Variants in UGP2 observed in about 807,000 individuals in gnomAD.
UGP2 encodes UTP--glucose-1-phosphate uridylyltransferase.
In UGP2, 40 loss-of-function variants were observed where a neutral mutation model predicts 49.0. The ratio of observed to expected loss-of-function variants is 0.82; its 90% CI spans 0.63 to 1.06. The LOEUF (loss-of-function observed/expected upper bound fraction) is 1.06, where lower values mean the gene tolerates loss of function less well. Among genes scored for constraint, UGP2 ranks in the 50% least tolerant of loss-of-function variants. UGP2 has a pLI of 0.00. For synonymous variants in UGP2, 225 were observed against 213.0 expected (o/e 1.06, Z -0.49); for missense variants, 460 against 603.5 (o/e 0.76, Z 2.49).
At chr2:63,861,340 A>G (rs1669827679) in intron 3 of UGP2, among the ~76,000 whole-genome samples, 1 of 152,002 alleles carries the variant, frequency 6.6e-6, no homozygotes, top group Non-Finnish European at 1.5e-5. Context: ...AGTTACGAGG[A>G]AGTACGGGGC....
intron 8 of UGP2, chr2:63,888,325 T>C (rs1280054093): frequency 6.6e-6 from 1 of 152,242 alleles, no homozygotes; most frequent in African/African-American, 2.4e-5. Context: ...ACTGCCACAG[T>C]AAGCAGAACA....
chr2:63,876,377 G>A (rs959774224), intron 3 of UGP2, among the ~76,000 whole-genome samples: 2 of 152,140 alleles, frequency 1.3e-5, no homozygotes, highest in African/African-American at 2.4e-5. Context: ...GAGGGGTGGT[G>A]GTGGTAGGGG....
At position 63,882,447 on chromosome 2, in the gene UGP2, A is replaced by T. The variant is rs1452267118; in HGVS notation, c.256-19A>T. 6.4e-7 allele frequency: 1 copy of T among 1,551,314 alleles called. No homozygotes were observed. The highest frequency in any genetic ancestry group is 1.8e-5 in the Admixed American group (1 of 56,988). On this transcript the variant is annotated intron_variant, in intron 3 of 9. Coordinates refer to ENST00000337130, the MANE Select transcript of UGP2 (RefSeq NM_006759.4). ...TTAAAGCTGTTTAAATTACTCCTAT[A>T]ATGTTATTTTTCTTTCAGATTCAAC...
chr2:63,842,151 A>C lies in UGP2; in HGVS notation c.-35A>C, dbSNP rs1415638504. ...GTAGCGTGACTCCTCTAGAAAAAAAAAAAAAAAGCCGGAGTATTTTACTAA... is the reference window on the plus strand; with the variant it reads ...GTAGCGTGACTCCTCTAGAAAAAAACAAAAAAAGCCGGAGTATTTTACTAA... On this transcript the variant is annotated 5_prime_UTR_variant, in exon 1 of 10. Transcript: ENST00000337130. 6.3e-7 allele frequency: 1 copy of C among 1,577,646 alleles called. No homozygotes were observed. The highest frequency in any genetic ancestry group is 2.0e-5 in the Admixed American group (1 of 49,330).
At chr2:63,884,670 G>C (rs978906792) in intron 5 of UGP2, among the ~76,000 whole-genome samples, 11 of 152,132 alleles carry the variant, frequency 7.2e-5, no homozygotes, top group Non-Finnish European at 1.2e-4. Context: ...CCAACACTTT[G>C]GAAAGCCAAG....
At chr2:63,860,517 C>G (rs183047588) in intron 3 of UGP2, among the ~76,000 whole-genome samples, 2 of 152,282 alleles carry the variant, frequency 1.3e-5, no homozygotes, top group Non-Finnish European at 2.9e-5. Context: ...TGGTAGCTTT[C>G]TTTATTTCTT....
chr2:63,848,424 T>C (rs6546033), intron 1 of UGP2, among the ~76,000 whole-genome samples: 126,167 of 152,118 alleles, frequency 0.83, 52,469 homozygotes, highest in East Asian at 0.92. Flanking sequence ...AATGCAGTGG[T>C]GCGATCTTGG....
intron 3 of UGP2, among the ~76,000 whole-genome samples, chr2:63,858,557 G>T (rs980882767): frequency 6.6e-6 from 1 of 151,218 alleles, no homozygotes; most frequent in Non-Finnish European, 1.5e-5. Flanking sequence ...AAAATCTCAC[G>T]TAATGTTCTC....
intron 1 of UGP2, 99 bp from the exon 2 acceptor site, chr2:63,856,207 C>A (rs1035793703): frequency 6.1e-6 from 9 of 1,467,790 alleles, no homozygotes; most frequent in Non-Finnish European, 8.2e-6. Flanking sequence ...GGATTGAGCC[C>A]TTTTCATTTG....
rs75250311 is a variant in UGP2, at chr2:63,863,915, A to C, written c.255+5979A>C. 2.4e-3 allele frequency among the ~76,000 whole-genome samples: 359 copies of C among 152,380 alleles called. 1 individual carries two copies. The highest frequency in any genetic ancestry group is 8.3e-3 in the African/African-American group (344 of 41,598). ...CCATTAAATACAGATTTCTATTTATAGATGGGCTTATTTAAGACAAGTGTC... is the reference window on the plus strand; with the variant it reads ...CCATTAAATACAGATTTCTATTTATCGATGGGCTTATTTAAGACAAGTGTC... On this transcript the variant is annotated intron_variant, in intron 3 of 9. Coordinates refer to ENST00000337130, the MANE Select transcript of UGP2 (RefSeq NM_006759.4).
chr2:63,890,004 A>G, intron 8 of UGP2, 77 bp from the exon 9 acceptor site: 2 of 1,156,186 alleles, frequency 1.7e-6, no homozygotes, highest in Non-Finnish European at 1.3e-6. Context: ...GTTCAGTTAA[A>G]CTTTCTTGTT....
At chr2:63,848,766 G>C (rs375508828) in intron 1 of UGP2, among the ~76,000 whole-genome samples, 2 of 152,290 alleles carry the variant, frequency 1.3e-5, no homozygotes, top group South Asian at 4.1e-4. Flanking sequence ...ATTAAACTTT[G>C]TGTGTTTTTT....
At chr2:63,861,372 C>T (rs1299301502) in intron 3 of UGP2, among the ~76,000 whole-genome samples, 2 of 152,018 alleles carry the variant, frequency 1.3e-5, no homozygotes, top group African/African-American at 2.4e-5. Flanking sequence ...GGTATTGGAG[C>T]TGACGAGTTC....
At chr2:63,861,844 T>C (rs1462005930) in intron 3 of UGP2, among the ~76,000 whole-genome samples, 1 of 152,118 alleles carries the variant, frequency 6.6e-6, no homozygotes, top group Non-Finnish European at 1.5e-5. Flanking sequence ...GGTATTTAGC[T>C]CCAATGGATT....
rs748447815 is a variant in UGP2 at position 63,887,509 on chromosome 2, G to T, written c.1179G>T (p.Leu393=). The T allele has an allele frequency of 6.2e-7, 1 of 1,613,884 alleles. No individual in the cohort carries two copies. The highest frequency in any genetic ancestry group is 1.3e-5 in the African/African-American group (1 of 74,866). ...LGINVPRSRF[L]PVKTTSDLLL... Reference sequence around the variant, plus strand: ...TTAATGTGCCAAGGAGCCGTTTTCTGCCTGTCAAAACCACATCAGATCTCT... The same window carrying T: ...TTAATGTGCCAAGGAGCCGTTTTCTTCCTGTCAAAACCACATCAGATCTCT... Residue 393 remains leucine, a synonymous_variant, in exon 8 of 10, where the codon CTG becomes CTT. Transcript: ENST00000337130.
At chr2:63,871,592 AC>A in intron 3 of UGP2, among the ~76,000 whole-genome samples, 1 of 152,246 alleles carries the variant, frequency 6.6e-6, no homozygotes, top group African/African-American at 2.4e-5. Context: ...GGCCACAAAA[AC>A]CTTTTTAAAT....
chr2:63,882,378 G>T, intron 3 of UGP2, 88 bp from the exon 4 acceptor site: 1 of 1,217,372 alleles, frequency 8.2e-7, no homozygotes. Flanking sequence ...GAAACTTTAT[G>T]GAAGCATGGA....
At chr2:63,889,776 G>C (rs1671953364) in intron 8 of UGP2, 3 of 218,438 alleles carry the variant, frequency 1.4e-5, no homozygotes, top group Non-Finnish European at 8.9e-6. Flanking sequence ...AATTCAGATT[G>C]TGTGAACTAT....
rs944209354 is a variant in UGP2 at position 63,841,948 on chromosome 2, C to T, written c.-238C>T. The T allele has an allele frequency of 5.2e-5, 24 of 459,350 alleles. No homozygotes were observed. The highest frequency in any genetic ancestry group is 7.4e-5 in the Non-Finnish European group (20 of 269,952). The allele number at this position is 459,350 out of a possible 1,614,324, so 28.5% of individuals were successfully genotyped here. A position where few individuals can be genotyped will look rare whatever the true frequency, so the allele number is the denominator to read the frequency against. On this transcript the variant is annotated 5_prime_UTR_variant, in exon 1 of 10. Transcript: ENST00000337130. ...GTCCGGAGCTCAGGAGTTCCCAAAC[C>T]GACTCAGTCGCACCAAGTTTCCGTC...
Sources: allele counts gnomAD v4.1 joint callset (sites outside exome capture counted in the v4.1 genomes callset), GRCh38; gene constraint gnomAD v4.1.1; transcripts MANE v1.5; gene names NCBI Gene and HGNC (gene_info 2026-07-23, HGNC 2026-07-21).